Variants in ERBB4 observed in about 807,000 individuals in gnomAD.
ERBB4 encodes receptor tyrosine-protein kinase erbB-4.
ERBB4 carries 42 observed loss-of-function variants against 158.0 expected under a neutral mutation model. That is an observed-to-expected ratio of 0.27 (90% CI 0.21 to 0.34). The LOEUF (loss-of-function observed/expected upper bound fraction) is 0.34. ERBB4 is among the 10% of genes least tolerant of loss of function. ERBB4 has a pLI of 1.00. For synonymous variants in ERBB4, 583 were observed against 558.7 expected (o/e 1.04, Z -0.61); for missense variants, 1,333 against 1,624.1 (o/e 0.82, Z 3.08).
At chr2:211,687,326 A>C (rs2072602887) in intron 12 of ERBB4, among the ~76,000 whole-genome samples, 1 of 149,928 alleles carries the variant, frequency 6.7e-6, no homozygotes, top group African/African-American at 2.5e-5. Flanking sequence ...AAAAAAGACA[A>C]GAAAAAACGA....
At position 211,729,987 on chromosome 2, in the gene ERBB4, G is replaced by C. The variant is rs1434753495; in HGVS notation, c.623-4793C>G. On this transcript the variant is annotated intron_variant, in intron 5 of 27. Transcript: ENST00000342788. ...ATTCGGGTCAGTAAACTTGACATGG[G>C]GAATGTGAATTCATTCAAAATATCC... 2.0e-5 allele frequency among the ~76,000 whole-genome samples: 3 copies of C among 151,736 alleles called. No homozygotes were observed. The East Asian group carries it at 5.8e-4, about 29-fold the overall frequency.
chr2:212,036,465 C>T (rs576144559), intron 2 of ERBB4, among the ~76,000 whole-genome samples: 1 of 149,180 alleles, frequency 6.7e-6, no homozygotes, highest in Non-Finnish European at 1.5e-5. Context: ...TGGATAAATA[C>T]ATTCTTTTTT....
At chr2:211,514,581 T>C (rs2065974997) in intron 20 of ERBB4, among the ~76,000 whole-genome samples, 1 of 152,164 alleles carries the variant, frequency 6.6e-6, no homozygotes, top group Admixed American at 6.5e-5. Context: ...TCAGTAAACA[T>C]TTATTACACA....
At chr2:212,516,315 C>T (rs1375915693) in intron 1 of ERBB4, among the ~76,000 whole-genome samples, 2 of 151,882 alleles carry the variant, frequency 1.3e-5, no homozygotes, top group Non-Finnish European at 2.9e-5. Flanking sequence ...TTAATAATAA[C>T]ATAAAAGTTA....
rs755162773 is a variant in ERBB4 at position 211,818,368 on chromosome 2, T to C, written c.422-30209A>G. On this transcript the variant is annotated intron_variant, in intron 3 of 27. Coordinates refer to ENST00000342788, the MANE Select transcript of ERBB4 (RefSeq NM_005235.3). ...GTCTAATGAGAGATCAGATACAATA[T>C]GGCAAGGAGTAAATTCTTTCTCAGG... is the stretch of plus-strand genomic sequence containing the variant. Among the ~76,000 whole-genome samples, 11 of 152,154 alleles carry C rather than the reference T, an allele frequency of 7.2e-5. 1 individual carries two copies. Among genetic ancestry groups the C allele is most frequent in the Non-Finnish European group, 5.9e-5 (4 of 67,974 alleles).
At chr2:211,914,569 T>G (rs1162112906) in intron 3 of ERBB4, among the ~76,000 whole-genome samples, 1 of 152,134 alleles carries the variant, frequency 6.6e-6, no homozygotes, top group East Asian at 1.9e-4. Context: ...TACCTCTCTT[T>G]GAGGAGGCTT....
chr2:211,545,621 C>A (rs1345810112), intron 20 of ERBB4, among the ~76,000 whole-genome samples: 1 of 152,026 alleles, frequency 6.6e-6, no homozygotes, highest in Non-Finnish European at 1.5e-5. Flanking sequence ...ATAATAAAAT[C>A]CATGGCTTAA....
In ERBB4 at chr2:211,431,751, G is replaced by T. The variant is rs372790132; in HGVS notation, c.2488-651C>A. On this transcript the variant is annotated intron_variant, in intron 20 of 27. Transcript: ENST00000342788. The stretch of plus-strand genomic sequence containing the variant: ...AATCCATAGTGAAATTACACAGTTT[G>T]TAATGACACTGAAATTAGCCTTTAA... 5.9e-5 allele frequency among the ~76,000 whole-genome samples: 9 copies of T among 152,094 alleles called. No individual in the cohort carries two copies. In the East Asian group the frequency reaches 1.7e-3, roughly 29 times the overall value.
chr2:211,456,467 T>C (rs1161384110), intron 20 of ERBB4, among the ~76,000 whole-genome samples: 2 of 152,182 alleles, frequency 1.3e-5, no homozygotes, highest in Non-Finnish European at 2.9e-5. Context: ...GGTTAATTTA[T>C]TGAAGTAAAT....
At chr2:212,373,997 CATAT>C (rs369049243) in intron 1 of ERBB4, among the ~76,000 whole-genome samples, 8 of 88,220 alleles carry the variant, frequency 9.1e-5, no homozygotes, top group African/African-American at 3.4e-4. Flanking sequence ...CATATATATC[CATAT>C]ATATATATCC....
intron 17 of ERBB4, 103 bp downstream of exon 17, chr2:211,630,359 A>G: frequency 7.4e-7 from 1 of 1,345,630 alleles, no homozygotes; most frequent in Non-Finnish European, 1.1e-6. Context: ...TAATTAGGAC[A>G]CTGAACAGAA....
At chr2:211,749,768 T>G (rs1414247550) in intron 5 of ERBB4, among the ~76,000 whole-genome samples, 2 of 152,162 alleles carry the variant, frequency 1.3e-5, no homozygotes, top group Admixed American at 1.3e-4. Context: ...TCTAAGAGTG[T>G]AATATTTGTA....
Position 211,592,639 on chromosome 2 carries a change from G to A in ERBB4, c.2301+26538C>T, listed in dbSNP as rs1197223310. On this transcript the variant is annotated intron_variant, in intron 19 of 27. Transcript: ENST00000342788. The stretch of plus-strand genomic sequence containing the variant: ...AGCAGTTAAACTAGATGAAAGAAAG[G>A]GGAATCTCCCTGGATGAAGCATAAA... Among the ~76,000 whole-genome samples, 13 of 152,206 alleles carry A rather than the reference G, an allele frequency of 8.5e-5. No individual in the cohort carries two copies. In the East Asian group the frequency reaches 2.5e-3, roughly 29 times the overall value.
intron 1 of ERBB4, among the ~76,000 whole-genome samples, chr2:212,197,800 G>A (rs1045729113): frequency 6.6e-6 from 1 of 152,162 alleles, no homozygotes; most frequent in Non-Finnish European, 1.5e-5. Flanking sequence ...GAATTAGGGA[G>A]CATACTCTGA....
intron 19 of ERBB4, among the ~76,000 whole-genome samples, chr2:211,573,318 C>T (rs1221352489): frequency 6.6e-6 from 1 of 152,092 alleles, no homozygotes; most frequent in African/African-American, 2.4e-5. Flanking sequence ...AAATGTCTAG[C>T]CCCCAGAACT....
intron 16 of ERBB4, among the ~76,000 whole-genome samples, chr2:211,653,447 T>A: frequency 6.6e-6 from 1 of 151,540 alleles, no homozygotes; most frequent in African/African-American, 2.4e-5. Context: ...CCTGCTTTCA[T>A]TTAAATCTTC....
At chr2:211,455,450 CTTTTG>C (rs750928326) in intron 20 of ERBB4, among the ~76,000 whole-genome samples, 9 of 152,152 alleles carry the variant, frequency 5.9e-5, no homozygotes, top group Non-Finnish European at 1.2e-4. Context: ...GTTCAGCTGC[CTTTTG>C]TTTGGTTTTA....
chr2:211,791,398 C>T (rs1036207706), intron 3 of ERBB4, among the ~76,000 whole-genome samples: 17 of 151,700 alleles, frequency 1.1e-4, no homozygotes, highest in African/African-American at 3.4e-4. Context: ...CCAACAGTTT[C>T]CCCCCACTAA....
intron 1 of ERBB4, among the ~76,000 whole-genome samples, chr2:212,255,475 C>A (rs2106065336): frequency 6.6e-6 from 1 of 152,182 alleles, no homozygotes; most frequent in African/African-American, 2.4e-5. Flanking sequence ...ATAAATAAAA[C>A]AATTTGTATT....
Sources: allele counts gnomAD v4.1 joint callset (sites outside exome capture counted in the v4.1 genomes callset), GRCh38; gene constraint gnomAD v4.1.1; transcripts MANE v1.5; gene names NCBI Gene and HGNC (gene_info 2026-07-23, HGNC 2026-07-21).